ZNF804B: variants seen among roughly 807,000 people sequenced by gnomAD.
ZNF804B encodes the protein zinc finger protein 804B.
A neutral mutation model predicts 101.4 loss-of-function variants in ZNF804B; 80 were observed. The ratio of observed to expected loss-of-function variants is 0.79; its 90% CI spans 0.66 to 0.95. The LOEUF (loss-of-function observed/expected upper bound fraction) is 0.95. Among genes scored for constraint, ZNF804B ranks in the 40% least tolerant of loss-of-function variants. ZNF804B has a pLI of 0.00. For synonymous variants in ZNF804B, 622 were observed against 558.8 expected (o/e 1.11, Z -1.59); for missense variants, 1,673 against 1,561.9 (o/e 1.07, Z -1.20).
chr7:88,900,346 A>C (rs1350563211), intron 1 of ZNF804B, among the ~76,000 whole-genome samples: 1 of 151,898 alleles, frequency 6.6e-6, no homozygotes, highest in Non-Finnish European at 1.5e-5. Context: ...GGAATGAATA[A>C]AACTATGGAT....
intron 1 of ZNF804B, among the ~76,000 whole-genome samples, chr7:89,102,072 A>G (rs975761494): frequency 2.6e-5 from 4 of 151,888 alleles, no homozygotes; most frequent in African/African-American, 9.7e-5. Context: ...TTTTAATCCA[A>G]TCAACCATTG....
intron 2 of ZNF804B, 118 bp downstream of exon 2, chr7:89,218,413 C>CT (rs1207865235): frequency 3.3e-6 from 4 of 1,208,178 alleles, no homozygotes; most frequent in East Asian, 2.6e-5. Context: ...CATTTTATGT[C>CT]TTTTTTCCCC....
At chr7:88,961,955 C>T (rs1338388072) in intron 1 of ZNF804B, among the ~76,000 whole-genome samples, 1 of 151,186 alleles carries the variant, frequency 6.6e-6, no homozygotes, top group African/African-American at 2.4e-5. Flanking sequence ...ATAGAGGCTC[C>T]TTTTACATTT....
intron 1 of ZNF804B, among the ~76,000 whole-genome samples, chr7:88,991,311 T>C (rs1005021825): frequency 1.3e-5 from 2 of 152,160 alleles, no homozygotes; most frequent in Non-Finnish European, 2.9e-5. Context: ...ATTATGAAGG[T>C]ACAAGCCTGC....
chr7:88,913,956 G>T (rs981005180), intron 1 of ZNF804B, among the ~76,000 whole-genome samples: 1 of 152,184 alleles, frequency 6.6e-6, no homozygotes, highest in African/African-American at 2.4e-5. Flanking sequence ...GAGCAAAGTT[G>T]CCATGGGAAA....
rs150617215 is a variant in ZNF804B, at chr7:88,893,340, G to A, written c.108+133256G>A. ...ATACTTATCTGAACATCTATCATCC[G>A]TATTGCTTTATTACACAGATTTAAA... On this transcript the variant is annotated intron_variant, in intron 1 of 3. Coordinates refer to ENST00000333190, the MANE Select transcript of ZNF804B (RefSeq NM_181646.5). Among the ~76,000 whole-genome samples the A allele has an allele frequency of 6.6e-5, 10 of 151,836 alleles. 1 individual carries two copies. Among genetic ancestry groups the A allele is most frequent in the African/African-American group, 1.4e-4 (6 of 41,404 alleles).
intron 1 of ZNF804B, among the ~76,000 whole-genome samples, chr7:89,185,412 G>A (rs1265521999): frequency 1.3e-5 from 2 of 152,112 alleles, no homozygotes; most frequent in Non-Finnish European, 2.9e-5. Context: ...AAAACAGTGG[G>A]AACAGAGAGA....
chr7:89,152,722 A>G (rs996385512), intron 1 of ZNF804B, among the ~76,000 whole-genome samples: 1 of 152,190 alleles, frequency 6.6e-6, no homozygotes, highest in African/African-American at 2.4e-5. Context: ...TGCCTTTAAC[A>G]TCAATGTTGA....
chr7:88,816,089 A>G (rs1790871458), intron 1 of ZNF804B, among the ~76,000 whole-genome samples: 1 of 151,340 alleles, frequency 6.6e-6, no homozygotes, highest in African/African-American at 2.4e-5. Context: ...TTCAAATTTA[A>G]CACCCCTCAT....
At chr7:88,805,835 C>T (rs1790677162) in intron 1 of ZNF804B, among the ~76,000 whole-genome samples, 2 of 152,128 alleles carry the variant, frequency 1.3e-5, no homozygotes, top group Admixed American at 1.3e-4. Context: ...TACCTCTTAA[C>T]TACATATGTG....
Position 88,759,765 on chromosome 7 carries a change from C to A in ZNF804B, c.-212C>A. 1.7e-6 allele frequency: 1 copy of A among 583,126 alleles called. No homozygotes were observed. The highest frequency in any genetic ancestry group is 2.9e-5 in the East Asian group (1 of 35,076). The allele number at this position is 583,126 out of a possible 1,614,324, so 36.1% of individuals were successfully genotyped here. ...TCCCCTCCGTGCTCTGTGCTGTCGC[C>A]GCCGCCGCCTCTGTCAGAGCAGCAG... On this transcript the variant is annotated 5_prime_UTR_variant, in exon 1 of 4. Transcript: ENST00000333190.
At chr7:89,191,986 ACTC>A (rs1788462082) in intron 1 of ZNF804B, among the ~76,000 whole-genome samples, 1 of 151,980 alleles carries the variant, frequency 6.6e-6, no homozygotes, top group Non-Finnish European at 1.5e-5. Context: ...ATAATTATAA[ACTC>A]TAAAAAAAAT....
At chr7:88,934,874 T>C (rs1463030391) in intron 1 of ZNF804B, among the ~76,000 whole-genome samples, 2 of 151,988 alleles carry the variant, frequency 1.3e-5, no homozygotes, top group African/African-American at 4.8e-5. Flanking sequence ...ATCCCACTAC[T>C]GGGTATCTAC....
At chr7:89,290,044 G>A (rs547527765) in intron 2 of ZNF804B, among the ~76,000 whole-genome samples, 6 of 152,234 alleles carry the variant, frequency 3.9e-5, no homozygotes, top group South Asian at 4.1e-4. Context: ...ATTGGACACC[G>A]GTCAGGATTG....
intron 1 of ZNF804B, among the ~76,000 whole-genome samples, chr7:89,044,129 G>A (rs1789063901): frequency 6.6e-6 from 1 of 152,156 alleles, no homozygotes; most frequent in South Asian, 2.1e-4. Context: ...CTGAACCATA[G>A]AGATGGTTAC....
At chr7:89,211,088 G>C (rs1387105000) in intron 1 of ZNF804B, among the ~76,000 whole-genome samples, 1 of 152,198 alleles carries the variant, frequency 6.6e-6, no homozygotes, top group Non-Finnish European at 1.5e-5. Flanking sequence ...TTTCTCTAAT[G>C]ATCAGTGATG....
intron 1 of ZNF804B, among the ~76,000 whole-genome samples, chr7:89,072,399 C>A (rs1419582324): frequency 6.6e-6 from 1 of 152,132 alleles, no homozygotes; most frequent in Non-Finnish European, 1.5e-5. Context: ...CATAACTACT[C>A]AACAACTGCC....
chr7:89,217,848 G>T (rs575161955), intron 1 of ZNF804B, among the ~76,000 whole-genome samples: 2 of 152,246 alleles, frequency 1.3e-5, no homozygotes, highest in East Asian at 3.9e-4. Context: ...GGGCTATGGA[G>T]GATATAAAGA....
intron 1 of ZNF804B, among the ~76,000 whole-genome samples, chr7:88,979,159 T>G (rs1432831296): frequency 3.3e-5 from 5 of 151,972 alleles, no homozygotes; most frequent in African/African-American, 9.7e-5. Context: ...TAGTTATTAT[T>G]TTTGATCAGT....
Sources: allele counts gnomAD v4.1 joint callset (sites outside exome capture counted in the v4.1 genomes callset), GRCh38; gene constraint gnomAD v4.1.1; transcripts MANE v1.5; gene names NCBI Gene and HGNC (gene_info 2026-07-23, HGNC 2026-07-21).